The following NEBL variants were observed in gnomAD, a reference collection of about 807,000 sequenced individuals.
The protein encoded by NEBL is nebulette, also known as LIM and SH3 protein 2.
In NEBL, 122 loss-of-function variants were observed where a neutral mutation model predicts 140.2. The ratio of observed to expected loss-of-function variants is 0.87; its 90% CI spans 0.75 to 1.01. The LOEUF is 1.01. Ranked by LOEUF, NEBL falls within the 50% of genes least tolerant of loss-of-function variation. The probability of loss-of-function intolerance (pLI) is 0.00; values close to 1 mark genes in which losing one functional copy is unlikely to be tolerated. For missense variants in NEBL, 1,365 were observed against 1,231.3 expected (o/e 1.11, Z -1.62); for synonymous variants, 436 against 398.9 (o/e 1.09, Z -1.11).
rs150687182 is a variant in NEBL, at chr10:20,780,331, G to C, written c.*5416C>G. On this transcript the variant is annotated 3_prime_UTR_variant, in exon 28 of 28. Coordinates refer to ENST00000377122, the MANE Select transcript of NEBL (RefSeq NM_006393.3). ...AATTGTACTATTGAGGACATATGAG[G>C]AATTTATTCTTGAAATAAATTAACT... is the stretch of plus-strand genomic sequence containing the variant. 1.9e-3 allele frequency: 284 copies of C among 152,290 alleles called. No homozygotes were observed. Among genetic ancestry groups the C allele is most frequent in the African/African-American group, 6.6e-3 (273 of 41,554 alleles). The allele number at this position is 152,290 out of a possible 1,614,324, so 9.4% of individuals were successfully genotyped here. A position where few individuals can be genotyped will look rare whatever the true frequency, so the allele number is the denominator to read the frequency against.
intron 3 of NEBL, among the ~76,000 whole-genome samples, chr10:20,997,491 A>C (rs1258160155): frequency 9.2e-5 from 12 of 131,024 alleles, no homozygotes; most frequent in Non-Finnish European, 1.7e-4. Flanking sequence ...AAAAAAAAAA[A>C]AAAAAAAAAA....
intron 3 of NEBL, among the ~76,000 whole-genome samples, chr10:21,210,556 G>A (rs142259337): frequency 4.8e-4 from 73 of 152,340 alleles, no homozygotes; most frequent in Non-Finnish European, 9.0e-4. Flanking sequence ...GGAGGAATAT[G>A]TATATTTTTA....
At chr10:21,172,624 T>C in intron 1 of NEBL, 1 of 664,908 alleles carries the variant, frequency 1.5e-6, no homozygotes, top group Non-Finnish European at 2.6e-6. Context: ...GGGATGTGTT[T>C]ACCTACTTTC....
intron 3 of NEBL, among the ~76,000 whole-genome samples, chr10:21,199,149 T>G (rs1026499474): frequency 2.0e-5 from 3 of 151,534 alleles, no homozygotes; most frequent in Non-Finnish European, 4.4e-5. Flanking sequence ...CTCAGACTTC[T>G]GAGTTGCTGG....
At chr10:21,010,934 T>C (rs909823157) in intron 3 of NEBL, among the ~76,000 whole-genome samples, 3 of 152,236 alleles carry the variant, frequency 2.0e-5, no homozygotes, top group Admixed American at 2.0e-4. Flanking sequence ...CTCCCAATTA[T>C]GACCTTCAGC....
chr10:20,790,600 C>CAAAAAA (rs558358426), intron 26 of NEBL, among the ~76,000 whole-genome samples: 6 of 82,824 alleles, frequency 7.2e-5, no homozygotes, highest in African/African-American at 2.3e-4. Flanking sequence ...AACTCTGTCT[C>CAAAAAA]AAAAAAAAAA....
chr10:20,814,617 T>TACACACCCACACAC (rs1838529754), intron 22 of NEBL, among the ~76,000 whole-genome samples: 1 of 146,418 alleles, frequency 6.8e-6, no homozygotes, highest in African/African-American at 2.6e-5. Flanking sequence ...CATACACACA[T>TACACACCCACACAC]ACACACACAC....
intron 21 of NEBL, among the ~76,000 whole-genome samples, chr10:20,816,690 A>C (rs1838749465): frequency 6.6e-6 from 1 of 152,214 alleles, no homozygotes. Context: ...AACCCAATCT[A>C]TATGTTAATG....
intron 2 of NEBL, among the ~76,000 whole-genome samples, chr10:21,104,909 G>A (rs1837639909): frequency 6.6e-6 from 1 of 152,164 alleles, no homozygotes; most frequent in South Asian, 2.1e-4. Context: ...TCTATGCCCA[G>A]TTTGCTCAGA....
rs138143925 is a variant in NEBL at position 21,054,653 on chromosome 10, A to C, written c.165-34452T>G. On this transcript the variant is annotated intron_variant, in intron 2 of 6. Coordinates refer to the NEBL transcript ENST00000417816. ...TACAGATGAAAGGAAGGACCATAGC[A>C]CAAATGTATTTTTTCCAAACTGTTC... is the stretch of plus-strand genomic sequence containing the variant. Among the ~76,000 whole-genome samples the C allele has an allele frequency of 1.3e-4, 20 of 152,344 alleles. No homozygotes were observed. The East Asian group carries it at 3.3e-3, about 25-fold the overall frequency.
At chr10:20,871,534 C>T (rs1323317229) in intron 5 of NEBL, among the ~76,000 whole-genome samples, 1 of 152,112 alleles carries the variant, frequency 6.6e-6, no homozygotes, top group African/African-American at 2.4e-5. Flanking sequence ...TTCAATGAAA[C>T]ATTTATATAC....
intron 2 of NEBL, among the ~76,000 whole-genome samples, chr10:21,083,340 T>C (rs1416594649): frequency 1.3e-5 from 2 of 152,138 alleles, no homozygotes; most frequent in East Asian, 1.9e-4. Context: ...TCCAGGAAGT[T>C]TTTGTCCCTT....
chr10:21,139,585 C>T (rs937038219), intron 2 of NEBL, among the ~76,000 whole-genome samples: 21 of 151,990 alleles, frequency 1.4e-4, no homozygotes, highest in Non-Finnish European at 4.4e-5. Flanking sequence ...ATTTATCTGT[C>T]CAAAAAGAAT....
intron 7 of NEBL, among the ~76,000 whole-genome samples, chr10:20,863,969 A>C (rs1276713918): frequency 6.6e-6 from 1 of 152,180 alleles, no homozygotes. Flanking sequence ...TAAATTCCCC[A>C]AACCAATTAA....
chr10:21,090,471 G>T (rs190073033), intron 2 of NEBL, among the ~76,000 whole-genome samples: 3 of 152,298 alleles, frequency 2.0e-5, no homozygotes, highest in African/African-American at 7.2e-5. Context: ...GAGGATGCGT[G>T]TAGGTTATAT....
intron 4 of NEBL, among the ~76,000 whole-genome samples, chr10:20,913,068 T>G (rs1341476666): frequency 1.3e-5 from 2 of 151,914 alleles, no homozygotes; most frequent in Non-Finnish European, 2.9e-5. Flanking sequence ...TGCTGTAAAT[T>G]GTTTTGAACA....
chr10:20,900,781 G>T (rs1256384591), upstream of NEBL, among the ~76,000 whole-genome samples: 2 of 149,098 alleles, frequency 1.3e-5, no homozygotes, highest in African/African-American at 4.9e-5. Flanking sequence ...GGAGGCGTAG[G>T]TTGCAGTGAG....
intron 25 of NEBL, among the ~76,000 whole-genome samples, chr10:20,809,202 A>G (rs931153141): frequency 6.6e-6 from 1 of 152,160 alleles, no homozygotes; most frequent in Non-Finnish European, 1.5e-5. Flanking sequence ...GTTTAACATA[A>G]CTGCATAACT....
rs914404079 is a variant in NEBL at position 21,173,220 on chromosome 10, G to A, written c.69+545C>T. Among the ~76,000 whole-genome samples, 25 of 152,320 alleles carry A rather than the reference G, an allele frequency of 1.6e-4. No individual in the cohort carries two copies. The highest frequency in any genetic ancestry group is 6.0e-4 in the African/African-American group (25 of 41,590). On this transcript the variant is annotated intron_variant, in intron 1 of 6. Coordinates refer to the NEBL transcript ENST00000417816. The surrounding 1 kb of genome is among the most constrained non-coding windows in gnomAD (Gnocchi z 5.7). ...CCACCCGGTGGATTAGACACCCGTG[G>A]GTCCGGCTTGCCGCGCTGAGCCGGA...
Sources: allele counts gnomAD v4.1 joint callset (sites outside exome capture counted in the v4.1 genomes callset), GRCh38; gene constraint gnomAD v4.1.1; non-coding constraint Gnocchi (gnomAD v3.1); transcripts MANE v1.5; gene names NCBI Gene and HGNC (gene_info 2026-07-23, HGNC 2026-07-21).